Variants in MYRIP observed in about 807,000 individuals in gnomAD.
The protein encoded by MYRIP is myosin VIIA and Rab interacting protein, also known as rab effector MyRIP.
MYRIP carries 49 observed loss-of-function variants against 98.0 expected under a neutral mutation model. The observed-to-expected ratio is 0.50, with a 90% CI of 0.40 to 0.63. The LOEUF is 0.63. Ranked by LOEUF, MYRIP falls within the 30% of genes least tolerant of loss-of-function variation. MYRIP has a pLI of 0.00. For missense variants in MYRIP, 1,004 were observed against 1,058.2 expected (o/e 0.95, Z 0.71); for synonymous variants, 404 against 409.5 (o/e 0.99, Z 0.16).
intron 2 of MYRIP, among the ~76,000 whole-genome samples, chr3:39,979,168 T>A (rs1266101019): frequency 1.3e-5 from 2 of 152,160 alleles, no homozygotes; most frequent in African/African-American, 2.4e-5. Flanking sequence ...TTGTCTGTTT[T>A]TTGAGATGGA....
intron 2 of MYRIP, among the ~76,000 whole-genome samples, chr3:39,902,028 AT>A: frequency 6.6e-6 from 1 of 152,282 alleles, no homozygotes; most frequent in Non-Finnish European, 1.5e-5. Context: ...ATAATCCTGA[AT>A]TTCCATATTT....
chr3:40,070,791 G>C (rs1948209117), intron 3 of MYRIP, among the ~76,000 whole-genome samples: 1 of 152,212 alleles, frequency 6.6e-6, no homozygotes, highest in Non-Finnish European at 1.5e-5. Context: ...TGCTGCTTTT[G>C]ATGATCAGGC....
chr3:40,182,049 T>C (rs1297490151), intron 8 of MYRIP, among the ~76,000 whole-genome samples, 171 bp from the exon 9 acceptor site: 1 of 152,194 alleles, frequency 6.6e-6, no homozygotes, highest in Non-Finnish European at 1.5e-5. Flanking sequence ...GAATAAACAT[T>C]TACCTGGCCT....
rs1318913766 is a variant in MYRIP at position 40,067,421 on chromosome 3, A to G, written c.332+23150A>G. On this transcript the variant is annotated intron_variant, in intron 3 of 16. Coordinates refer to ENST00000302541, the MANE Select transcript of MYRIP (RefSeq NM_015460.4). The stretch of plus-strand genomic sequence containing the variant: ...CTTTTCTGAGAGTATTTTGATTATC[A>G]CAATGACTGGGGTTACTACTGACCT... Among the ~76,000 whole-genome samples the G allele has an allele frequency of 3.9e-5, 6 of 152,310 alleles. No homozygotes were observed. The East Asian group carries it at 7.7e-4, about 20-fold the overall frequency.
At chr3:39,961,750 A>G (rs1945330002) in intron 2 of MYRIP, among the ~76,000 whole-genome samples, 1 of 152,126 alleles carries the variant, frequency 6.6e-6, no homozygotes, top group Non-Finnish European at 1.5e-5. Context: ...TCTTGAAATT[A>G]GCTCCCTCAA....
At chr3:39,892,256 G>A (rs1162971808) in intron 1 of MYRIP, among the ~76,000 whole-genome samples, 1 of 152,106 alleles carries the variant, frequency 6.6e-6, no homozygotes, top group African/African-American at 2.4e-5. Flanking sequence ...CCTGAAATCA[G>A]GCGAGGTTGT....
intron 1 of MYRIP, among the ~76,000 whole-genome samples, chr3:39,876,749 A>G (rs1212326989): frequency 1.3e-5 from 2 of 152,116 alleles, no homozygotes; most frequent in Non-Finnish European, 2.9e-5. Flanking sequence ...GGGTAACCCG[A>G]CTTTTCTCTC....
intron 8 of MYRIP, 125 bp downstream of exon 8, chr3:40,170,218 A>G (rs1950585301): frequency 7.9e-7 from 1 of 1,267,960 alleles, no homozygotes; most frequent in Non-Finnish European, 1.1e-6. Flanking sequence ...TGGGGAGCGA[A>G]ATTGAAAGAG....
chr3:40,051,993 A>C (rs191943521), intron 3 of MYRIP, among the ~76,000 whole-genome samples: 1 of 152,284 alleles, frequency 6.6e-6, no homozygotes, highest in African/African-American at 2.4e-5. Context: ...GGTAACTGGA[A>C]TATCCATCAC....
intron 2 of MYRIP, among the ~76,000 whole-genome samples, chr3:39,975,807 C>T (rs1441512414): frequency 6.6e-6 from 1 of 152,112 alleles, no homozygotes; most frequent in Non-Finnish European, 1.5e-5. Flanking sequence ...GAAAGGATTC[C>T]CTATTTAATA....
At chr3:39,815,887 G>A (rs1043115878) in intron 1 of MYRIP, among the ~76,000 whole-genome samples, 5 of 133,992 alleles carry the variant, frequency 3.7e-5, no homozygotes, top group African/African-American at 8.3e-5. Flanking sequence ...TTCTAATAGC[G>A]TTTTTTTTTT....
At chr3:40,152,473 T>TTC (rs891800863) in intron 4 of MYRIP, among the ~76,000 whole-genome samples, 12 of 152,314 alleles carry the variant, frequency 7.9e-5, no homozygotes, top group African/African-American at 2.6e-4. Flanking sequence ...TTCTTTCCCC[T>TTC]TCTCTCTAAG....
intron 3 of MYRIP, among the ~76,000 whole-genome samples, chr3:40,075,315 G>T (rs1277036447): frequency 6.6e-6 from 1 of 152,154 alleles, no homozygotes; most frequent in African/African-American, 2.4e-5. Context: ...TTAAAGCATT[G>T]TTTCTAATGC....
chr3:39,991,296 C>T (rs1946169452), intron 2 of MYRIP, among the ~76,000 whole-genome samples: 1 of 152,280 alleles, frequency 6.6e-6, no homozygotes, highest in Non-Finnish European at 1.5e-5. Context: ...AGGCTTGAGG[C>T]TTAAAACCAG....
At chr3:39,979,823 A>G (rs1040173591) in intron 2 of MYRIP, among the ~76,000 whole-genome samples, 5 of 152,234 alleles carry the variant, frequency 3.3e-5, no homozygotes, top group Admixed American at 6.5e-5. Context: ...AAACACAGCC[A>G]TCACATAAAT....
chr3:40,063,602 T>A (rs936541032), intron 3 of MYRIP, among the ~76,000 whole-genome samples: 3 of 152,216 alleles, frequency 2.0e-5, no homozygotes, highest in African/African-American at 7.2e-5. Flanking sequence ...TTGGTCTGTG[T>A]TTTACTTGTA....
chr3:39,852,766 T>A (rs1466440542), intron 1 of MYRIP, among the ~76,000 whole-genome samples: 2 of 140,352 alleles, frequency 1.4e-5, no homozygotes, highest in Non-Finnish European at 3.0e-5. Context: ...TGTTCTCCTC[T>A]TCTCTTCTCT....
intron 1 of MYRIP, among the ~76,000 whole-genome samples, chr3:39,858,368 A>G (rs1942367839): frequency 1.3e-5 from 2 of 152,214 alleles, no homozygotes; most frequent in South Asian, 4.1e-4. Flanking sequence ...GGCACCCAAC[A>G]TTGGAGAACC....
At chr3:39,899,006 G>A (rs1943682337) in intron 1 of MYRIP, among the ~76,000 whole-genome samples, 1 of 152,130 alleles carries the variant, frequency 6.6e-6, no homozygotes, top group African/African-American at 2.4e-5. Flanking sequence ...AGGTGAAGCA[G>A]CAGCAGCAAT....
Sources: gnomAD v4.1 joint callset for allele counts (sites outside exome capture counted in the v4.1 genomes callset) on GRCh38, gnomAD v4.1.1 for gene constraint, MANE v1.5 for transcripts, NCBI Gene and HGNC (gene_info 2026-07-23, HGNC 2026-07-21) for gene names.